ANO3: variants seen among roughly 807,000 people sequenced by gnomAD.
The protein encoded by ANO3 is anoctamin 3, also known as anoctamin-3.
In ANO3, 99 loss-of-function variants were observed where a neutral mutation model predicts 144.8. The observed-to-expected ratio is 0.68, with a 90% CI of 0.58 to 0.81. The LOEUF (loss-of-function observed/expected upper bound fraction) is 0.81, where lower values mean the gene tolerates loss of function less well. Among genes scored for constraint, ANO3 ranks in the 30% least tolerant of loss-of-function variants. ANO3 has a pLI of 0.00. For missense variants in ANO3, 905 were observed against 1,202.2 expected (o/e 0.75, Z 3.66); for synonymous variants, 414 against 392.6 (o/e 1.05, Z -0.64).
intron 1 of ANO3, among the ~76,000 whole-genome samples, chr11:26,233,716 G>A (rs887288561): frequency 6.6e-6 from 1 of 152,200 alleles, no homozygotes; most frequent in Non-Finnish European, 1.5e-5. Context: ...TGATAGACTG[G>A]ATAAAGAAAA....
intron 1 of ANO3, among the ~76,000 whole-genome samples, chr11:26,325,867 G>A (rs1472227544): frequency 1.3e-5 from 2 of 152,134 alleles, no homozygotes; most frequent in African/African-American, 4.8e-5. Context: ...GAGATGGAAC[G>A]ACCGTTAGAG....
chr11:26,598,612 G>C (rs904452934), intron 15 of ANO3, among the ~76,000 whole-genome samples, 165 bp downstream of exon 15: 1 of 152,186 alleles, frequency 6.6e-6, no homozygotes, highest in African/African-American at 2.4e-5. Context: ...AGAGATCAAT[G>C]AAGTATGTAT....
At chr11:26,449,505 ACACACACACACACACG>A (rs1253271062) in intron 3 of ANO3, among the ~76,000 whole-genome samples, 2 of 41,014 alleles carry the variant, frequency 4.9e-5, no homozygotes, top group Non-Finnish European at 7.8e-5. Context: ...ACACACACAC[ACACACACACACACACG>A]CACGCACATC....
At chr11:26,437,297 T>C (rs1158217396) in intron 1 of ANO3, among the ~76,000 whole-genome samples, 3 of 152,206 alleles carry the variant, frequency 2.0e-5, no homozygotes, top group Admixed American at 1.3e-4. Context: ...GTGGCTGCTC[T>C]GCCGAGACTC....
intron 14 of ANO3, among the ~76,000 whole-genome samples, chr11:26,570,473 T>C (rs1850779227): frequency 6.6e-6 from 1 of 152,146 alleles, no homozygotes; most frequent in Admixed American, 6.6e-5. Flanking sequence ...AATAAGGAGA[T>C]GTCCTGGTTT....
At chr11:26,483,032 A>G (rs991084100) in intron 4 of ANO3, among the ~76,000 whole-genome samples, 3 of 151,980 alleles carry the variant, frequency 2.0e-5, no homozygotes, top group African/African-American at 7.3e-5. Flanking sequence ...CAATAAACAT[A>G]CTAGTGCAGG....
At chr11:26,462,807 T>C (rs1029081420) in intron 3 of ANO3, among the ~76,000 whole-genome samples, 2 of 151,852 alleles carry the variant, frequency 1.3e-5, no homozygotes, top group Admixed American at 1.3e-4. Context: ...TCACTATCAG[T>C]GTCAGCATTA....
intron 1 of ANO3, among the ~76,000 whole-genome samples, chr11:26,408,534 A>C (rs1319795504): frequency 1.2e-3 from 181 of 148,440 alleles, no homozygotes; most frequent in Non-Finnish European, 2.0e-3. Context: ...GTGGGACTGT[A>C]AACTAGTTCA....
chr11:26,304,593 T>C (rs775776819), intron 1 of ANO3, among the ~76,000 whole-genome samples: 14 of 152,188 alleles, frequency 9.2e-5, no homozygotes, highest in Non-Finnish European at 1.6e-4. Context: ...TAAGTCATAG[T>C]ACAGCCATTT....
intron 1 of ANO3, among the ~76,000 whole-genome samples, chr11:26,375,149 G>T (rs925001308): frequency 2.0e-5 from 3 of 152,178 alleles, no homozygotes; most frequent in African/African-American, 7.2e-5. Context: ...TGGGGATGAT[G>T]GGTGACAGTG....
intron 13 of ANO3, chr11:26,559,279 G>A (rs549363840): frequency 1.3e-5 from 2 of 159,678 alleles, no homozygotes; most frequent in East Asian, 1.8e-4. Flanking sequence ...TTAGCTATGG[G>A]AAATGCTGGC....
chr11:26,385,242 A>G (rs1856691551), intron 1 of ANO3, among the ~76,000 whole-genome samples: 1 of 152,234 alleles, frequency 6.6e-6, no homozygotes, highest in Admixed American at 6.5e-5. Flanking sequence ...TCACTGTTGG[A>G]AAAAGTGTTT....
intron 1 of ANO3, among the ~76,000 whole-genome samples, chr11:26,274,537 C>A (rs1853516738): frequency 6.6e-6 from 1 of 152,082 alleles, no homozygotes; most frequent in Non-Finnish European, 1.5e-5. Context: ...GTTATTACCA[C>A]AGCATAACTT....
intron 1 of ANO3, among the ~76,000 whole-genome samples, chr11:26,223,219 G>T (rs1376121977): frequency 2.6e-5 from 4 of 152,026 alleles, no homozygotes; most frequent in Admixed American, 2.0e-4. Context: ...AATTTATTCT[G>T]CCAGATACCC....
intron 1 of ANO3, among the ~76,000 whole-genome samples, chr11:26,231,784 C>T (rs979886766): frequency 4.6e-5 from 7 of 152,152 alleles, no homozygotes; most frequent in Non-Finnish European, 1.0e-4. Context: ...ATGCTTGGTG[C>T]AGTTCATGTA....
rs995159122 is a variant in ANO3, at chr11:26,198,320, A to G, written c.154+8990A>G. On this transcript the variant is annotated intron_variant, in intron 1 of 27. Coordinates refer to the ANO3 transcript ENST00000672621. ...CTGTTTCTAAGTGGAAATTTTTTCCATCTTCCATGCTATGGACTTCTGAAT... is the reference window on the plus strand; with the variant it reads ...CTGTTTCTAAGTGGAAATTTTTTCCGTCTTCCATGCTATGGACTTCTGAAT... Among the ~76,000 whole-genome samples, 3 of 152,300 alleles carry G rather than the reference A, an allele frequency of 2.0e-5. No homozygotes were observed. The East Asian group carries it at 5.8e-4, about 29-fold the overall frequency.
chr11:26,249,793 G>A (rs1272659887), intron 1 of ANO3, among the ~76,000 whole-genome samples: 8 of 152,008 alleles, frequency 5.3e-5, no homozygotes. Flanking sequence ...AAGAAAGAAA[G>A]AAAGAAAGAG....
At chr11:26,642,120 C>G in intron 22 of ANO3, 91 bp downstream of exon 22, 1 of 1,423,422 alleles carries the variant, frequency 7.0e-7, no homozygotes, top group Non-Finnish European at 9.6e-7. Flanking sequence ...AAAATTATCT[C>G]TTTCCTTTCC....
In ANO3 at chr11:26,662,135, C is replaced by A. The variant is rs1853895617; in HGVS notation, c.*1691C>A. The stretch of plus-strand genomic sequence containing the variant: ...GAAAATGTTTTGTTAGCTTTTCCTT[C>A]TTTCTCTCCAGAAGAAACATGGATA... On this transcript the variant is annotated 3_prime_UTR_variant, in exon 27 of 27. Coordinates refer to ENST00000256737, the MANE Select transcript of ANO3 (RefSeq NM_031418.4). 1 of 152,100 alleles carries A rather than the reference C, an allele frequency of 6.6e-6. No homozygotes were observed. Among genetic ancestry groups the A allele is most frequent in the Admixed American group, 6.6e-5 (1 of 15,230 alleles). The allele number at this position is 152,100 out of a possible 1,614,324, so 9.4% of individuals were successfully genotyped here. A position where few individuals can be genotyped will look rare whatever the true frequency, so the allele number is the denominator to read the frequency against.
Sources: allele counts gnomAD v4.1 joint callset (sites outside exome capture counted in the v4.1 genomes callset), GRCh38; gene constraint gnomAD v4.1.1; transcripts MANE v1.5; gene names NCBI Gene and HGNC (gene_info 2026-07-23, HGNC 2026-07-21).